Variants in EXTL3 observed in about 807,000 individuals in gnomAD.
EXTL3 encodes exostosin-like 3.
Under a neutral mutation model 69.3 loss-of-function variants are expected in EXTL3, and 27 were observed. The observed-to-expected ratio is 0.39, with a 90% CI of 0.29 to 0.54. EXTL3 has a LOEUF of 0.54. Ranked by LOEUF, EXTL3 falls within the 20% of genes least tolerant of loss-of-function variation. The pLI, the probability that EXTL3 is intolerant of heterozygous loss-of-function variation, is 0.69. For missense variants in EXTL3, 1,003 were observed against 1,231.8 expected (o/e 0.81, Z 2.78); for synonymous variants, 511 against 499.4 (o/e 1.02, Z -0.31).
intron 1 of EXTL3, chr8:28,637,389 A>G (rs1806673645): frequency 6.6e-6 from 1 of 152,222 alleles, no homozygotes; most frequent in South Asian, 2.1e-4. Context: ...GAGACAGGAG[A>G]GACTGTCAGA....
intron 3 of EXTL3, among the ~76,000 whole-genome samples, chr8:28,726,868 GCTTTT>G (rs1436267833): frequency 4.1e-5 from 6 of 144,934 alleles, no homozygotes; most frequent in African/African-American, 1.3e-4. Flanking sequence ...ATCTTTAACA[GCTTTT>G]CTTTTCTTTT....
intron 1 of EXTL3, among the ~76,000 whole-genome samples, chr8:28,703,403 G>A (rs1417147397): frequency 7.0e-6 from 1 of 142,798 alleles, no homozygotes; most frequent in East Asian, 2.1e-4. Flanking sequence ...TAAGGGAACA[G>A]TTTGGAGAGA....
intron 1 of EXTL3, among the ~76,000 whole-genome samples, chr8:28,639,516 G>T (rs1185363893): frequency 6.6e-6 from 1 of 152,190 alleles, no homozygotes; most frequent in East Asian, 1.9e-4. Context: ...GCAAAACTCC[G>T]TGTTACGTTT....
chr8:28,731,036 A>G (rs751416233), intron 3 of EXTL3, among the ~76,000 whole-genome samples, 187 bp from the exon 4 acceptor site: 8 of 152,350 alleles, frequency 5.3e-5, no homozygotes, highest in African/African-American at 1.7e-4. Flanking sequence ...AGGTAAATCT[A>G]TATACATTTA....
chr8:28,701,437 G>C (rs1255395110), upstream of EXTL3: 1 of 151,844 alleles, frequency 6.6e-6, no homozygotes, highest in Admixed American at 6.6e-5. Flanking sequence ...GCGCGCCCGC[G>C]TCCGCGCCCC....
intron 3 of EXTL3, among the ~76,000 whole-genome samples, chr8:28,721,252 A>G (rs749117885): frequency 2.0e-5 from 3 of 152,180 alleles, no homozygotes; most frequent in Non-Finnish European, 4.4e-5. Context: ...GTTCTTTTAT[A>G]TGTAGCTGGT....
intron 1 of EXTL3, among the ~76,000 whole-genome samples, chr8:28,679,599 C>T (rs1363746019): frequency 3.3e-5 from 5 of 151,944 alleles, no homozygotes; most frequent in Admixed American, 3.3e-4. Flanking sequence ...AGCTAGGTGT[C>T]GTGAGGCACT....
intron 3 of EXTL3, among the ~76,000 whole-genome samples, chr8:28,719,280 C>T (rs937983668): frequency 6.6e-6 from 1 of 152,178 alleles, no homozygotes; most frequent in Non-Finnish European, 1.5e-5. Flanking sequence ...TTTTTGATCT[C>T]AGCATTAAAG....
At chr8:28,654,608 A>T (rs1291209154) in intron 1 of EXTL3, among the ~76,000 whole-genome samples, 1 of 152,170 alleles carries the variant, frequency 6.6e-6, no homozygotes, top group Non-Finnish European at 1.5e-5. Flanking sequence ...TTTAAAAAAA[A>T]TCTTTCAGGA....
chr8:28,677,140 TAATG>T (rs1807400275), intron 1 of EXTL3, among the ~76,000 whole-genome samples: 1 of 150,014 alleles, frequency 6.7e-6, no homozygotes, highest in South Asian at 2.1e-4. Context: ...AAGGGATAAT[TAATG>T]AAGGAAATGC....
intron 3 of EXTL3, among the ~76,000 whole-genome samples, chr8:28,727,862 G>A (rs1236090325): frequency 6.6e-6 from 1 of 152,216 alleles, no homozygotes; most frequent in Admixed American, 6.5e-5. Context: ...CTCCGGTGGT[G>A]TGTGCTGCTG....
At position 28,712,415 on chromosome 8, in the gene EXTL3, A is replaced by T. The variant is rs1160815573; in HGVS notation, c.-569-1042A>T. ...CGATGGTCCTGGTTGCTGTGTATGGAGTGCATTGTAGGGGCAGGAATGGAG... is the reference window on the plus strand; with the variant it reads ...CGATGGTCCTGGTTGCTGTGTATGGTGTGCATTGTAGGGGCAGGAATGGAG... On this transcript the variant is annotated intron_variant, in intron 1 of 6. Transcript: ENST00000220562. 5.3e-5 allele frequency among the ~76,000 whole-genome samples: 8 copies of T among 152,186 alleles called. No homozygotes were observed. In the East Asian group the frequency reaches 1.2e-3, roughly 22 times the overall value.
At chr8:28,724,714 C>T (rs1483196063) in intron 3 of EXTL3, among the ~76,000 whole-genome samples, 2 of 152,084 alleles carry the variant, frequency 1.3e-5, no homozygotes, top group East Asian at 3.9e-4. Context: ...GCAGGAGAAT[C>T]GTTTGAACCC....
chr8:28,644,781 T>G (rs1235320917), intron 1 of EXTL3, among the ~76,000 whole-genome samples: 1 of 152,244 alleles, frequency 6.6e-6, no homozygotes, highest in Non-Finnish European at 1.5e-5. Context: ...ACTCTCCTAC[T>G]GTATGTACGT....
chr8:28,685,202 G>A (rs371928738), intron 1 of EXTL3, among the ~76,000 whole-genome samples: 12 of 152,102 alleles, frequency 7.9e-5, no homozygotes, highest in African/African-American at 1.4e-4. Context: ...CACCCACCTC[G>A]GCCTCCCAAA....
intron 1 of EXTL3, among the ~76,000 whole-genome samples, chr8:28,707,268 C>T (rs903950263): frequency 1.3e-5 from 2 of 152,148 alleles, no homozygotes; most frequent in African/African-American, 2.4e-5. Context: ...GTAGGTCATA[C>T]GGACCTGGAT....
At chr8:28,680,458 C>T (rs1807467697) in intron 1 of EXTL3, among the ~76,000 whole-genome samples, 3 of 150,724 alleles carry the variant, frequency 2.0e-5, no homozygotes, top group African/African-American at 4.9e-5. Flanking sequence ...TAGTGTGTAA[C>T]TGATAAATAA....
At chr8:28,671,213 C>T (rs547654075) in intron 1 of EXTL3, among the ~76,000 whole-genome samples, 25 of 151,876 alleles carry the variant, frequency 1.6e-4, no homozygotes, top group African/African-American at 6.0e-4. Context: ...AACTCCTGAC[C>T]TCAGGTGATA....
At chr8:28,641,862 G>A (rs902098510) in intron 1 of EXTL3, among the ~76,000 whole-genome samples, 11 of 152,006 alleles carry the variant, frequency 7.2e-5, no homozygotes, top group African/African-American at 2.7e-4. Flanking sequence ...TTGAGACGGA[G>A]TCTCGCTCTG....
Sources: allele counts gnomAD v4.1 joint callset (sites outside exome capture counted in the v4.1 genomes callset), GRCh38; gene constraint gnomAD v4.1.1; transcripts MANE v1.5; gene names NCBI Gene and HGNC (gene_info 2026-07-23, HGNC 2026-07-21).